The following TMEM260 variants were observed in gnomAD, a reference collection of about 807,000 sequenced individuals.
TMEM260 encodes protein O-mannosyl-transferase TMEM260.
A neutral mutation model predicts 88.9 loss-of-function variants in TMEM260; 82 were observed. The observed-to-expected ratio is 0.92, with a 90% CI of 0.77 to 1.11. The LOEUF (loss-of-function observed/expected upper bound fraction) is 1.11, where lower values mean the gene tolerates loss of function less well. Ranked by LOEUF, TMEM260 falls within the 50% of genes least tolerant of loss-of-function variation. The pLI is 0.00. For synonymous variants in TMEM260, 314 were observed against 309.3 expected (o/e 1.02, Z -0.16); for missense variants, 902 against 853.4 (o/e 1.06, Z -0.71).
At chr14:56,607,223 A>G (rs889829302) in intron 5 of TMEM260, among the ~76,000 whole-genome samples, 3 of 152,148 alleles carry the variant, frequency 2.0e-5, no homozygotes, top group African/African-American at 4.8e-5. Context: ...TCCCTCTCGT[A>G]TTGGTCATCT....
chr14:56,623,032 A>G (rs983912976), intron 11 of TMEM260, among the ~76,000 whole-genome samples: 1 of 152,214 alleles, frequency 6.6e-6, no homozygotes, highest in Admixed American at 6.5e-5. Flanking sequence ...TAGAAAGTGA[A>G]TTAGACCTAA....
At chr14:56,595,641 G>T (rs1886157656) in intron 3 of TMEM260, among the ~76,000 whole-genome samples, 1 of 151,924 alleles carries the variant, frequency 6.6e-6, no homozygotes, top group Non-Finnish European at 1.5e-5. Flanking sequence ...ACCACGCCCA[G>T]CTAATTTTTA....
intron 15 of TMEM260, among the ~76,000 whole-genome samples, chr14:56,638,024 G>A (rs1889248586): frequency 6.7e-6 from 1 of 150,134 alleles, no homozygotes; most frequent in African/African-American, 2.5e-5. Flanking sequence ...GGAAGGGAAG[G>A]CTTCCAGAGA....
At chr14:56,632,315 C>T (rs925200560) in intron 12 of TMEM260, among the ~76,000 whole-genome samples, 1 of 152,126 alleles carries the variant, frequency 6.6e-6, no homozygotes, top group African/African-American at 2.4e-5. Flanking sequence ...AGAGAAAAAG[C>T]AATGGAGATT....
At chr14:56,623,188 G>T (rs1472215740) in intron 11 of TMEM260, among the ~76,000 whole-genome samples, 3 of 152,164 alleles carry the variant, frequency 2.0e-5, no homozygotes, top group African/African-American at 7.2e-5. Flanking sequence ...CAGAATACCT[G>T]ACTTAAATGA....
rs959571133 is a variant in TMEM260, at chr14:56,608,975, G to T, written c.637-131G>T. ...AGAAGGTTTAACATAGTATTCTGTG[G>T]TGACTTAATATAAATTGGGAGATCA... is the stretch of plus-strand genomic sequence containing the variant. On this transcript the variant is annotated intron_variant, in intron 5 of 15. Transcript: ENST00000261556. 5 of 954,726 alleles carry T rather than the reference G, an allele frequency of 5.2e-6. No homozygotes were observed. The Admixed American group carries it at 1.1e-4, about 21-fold the overall frequency. 59.1% of individuals were successfully genotyped at this position (954,726 alleles called of 1,614,324 possible).
downstream of TMEM260, among the ~76,000 whole-genome samples, chr14:56,653,745 A>AAAAAAAGAACAAC (rs1555343570): frequency 7.3e-6 from 1 of 137,368 alleles, no homozygotes; most frequent in Non-Finnish European, 1.6e-5. Flanking sequence ...CCAAAACAAA[A>AAAAAAAGAACAAC]AAAAAAAAAA....
At chr14:56,616,951 T>C (rs1887628755) in intron 8 of TMEM260, among the ~76,000 whole-genome samples, 1 of 152,144 alleles carries the variant, frequency 6.6e-6, no homozygotes, top group Non-Finnish European at 1.5e-5. Context: ...TTTGCATTTC[T>C]TCTGTGAATG....
chr14:56,604,797 C>T (rs930518717), intron 4 of TMEM260, among the ~76,000 whole-genome samples: 2 of 152,078 alleles, frequency 1.3e-5, no homozygotes, highest in African/African-American at 4.8e-5. Flanking sequence ...ACTCCAAATA[C>T]AAGGAAAAGT....
At chr14:56,651,610 TAAAGGTCAAGACAC>T (rs1890208041), downstream of TMEM260, among the ~76,000 whole-genome samples, 1 of 152,174 alleles carries the variant, frequency 6.6e-6, no homozygotes, top group African/African-American at 2.4e-5. Flanking sequence ...AGTTACAATA[TAAAGGTCAAGACAC>T]AAAGGCACAA....
intron 3 of TMEM260, among the ~76,000 whole-genome samples, chr14:56,600,818 G>C (rs1886529366): frequency 6.6e-6 from 1 of 152,168 alleles, no homozygotes; most frequent in Admixed American, 6.6e-5. Flanking sequence ...TGATTTCCAG[G>C]CAAGTTCATC....
At chr14:56,596,108 TAAAC>T (rs1225441077) in intron 3 of TMEM260, among the ~76,000 whole-genome samples, 1 of 152,034 alleles carries the variant, frequency 6.6e-6, no homozygotes, top group African/African-American at 2.4e-5. Context: ...ACATGGCTCT[TAAAC>T]AAAATTTACC....
intron 6 of TMEM260, among the ~76,000 whole-genome samples, chr14:56,610,543 G>C (rs1438091591): frequency 6.6e-6 from 1 of 152,128 alleles, no homozygotes; most frequent in Admixed American, 6.5e-5. Context: ...CGCCCGGCCA[G>C]TGAGGTTTTG....
At chr14:56,596,406 G>GTGTGTGTGTA (rs1290307932) in intron 3 of TMEM260, among the ~76,000 whole-genome samples, 97 of 111,318 alleles carry the variant, frequency 8.7e-4, no homozygotes, top group East Asian at 4.5e-3. Context: ...GTGTGTGTGT[G>GTGTGTGTGTA]TATATATATA....
chr14:56,610,927 T>C (rs1176264805), intron 6 of TMEM260, among the ~76,000 whole-genome samples: 1 of 151,862 alleles, frequency 6.6e-6, no homozygotes, highest in Non-Finnish European at 1.5e-5. Context: ...ATAGTTTAAC[T>C]GATTTCTAGC....
Position 56,647,816 on chromosome 14 carries a change from C to G in TMEM260, c.*319C>G, listed in dbSNP as rs3963559. 2,797 of 276,792 alleles carry G rather than the reference C, an allele frequency of 0.01. 69 individuals carry two copies. The highest frequency in any genetic ancestry group is 0.057 in the African/African-American group (2,536 of 44,112). The allele number at this position is 276,792 out of a possible 1,614,324, so 17.1% of individuals were successfully genotyped here. The stretch of plus-strand genomic sequence containing the variant: ...AAGAGAATGAACCATTTTCATATAA[C>G]TAAATATTGGTCATGAACTGTGTAA... On this transcript the variant is annotated 3_prime_UTR_variant, in exon 16 of 16. Coordinates refer to ENST00000261556, the MANE Select transcript of TMEM260 (RefSeq NM_017799.4).
intron 5 of TMEM260, 88 bp downstream of exon 5, chr14:56,605,771 A>C: frequency 1.3e-6 from 1 of 785,528 alleles, no homozygotes; most frequent in East Asian, 2.7e-5. Context: ...TCAGGCTTTA[A>C]TTTTTCTTGG....
rs763640297 is a variant in TMEM260, at chr14:56,617,313, A to G, written c.1056+16A>G. 2 of 1,522,908 alleles carry G rather than the reference A, an allele frequency of 1.3e-6. No individual in the cohort carries two copies. Among genetic ancestry groups the G allele is most frequent in the Non-Finnish European group, 1.8e-6 (2 of 1,113,042 alleles). The allele number at this position is 1,522,908 out of a possible 1,614,324, so 94.3% of individuals were successfully genotyped here. Reference sequence around the variant, plus strand: ...CATGGGTGTGGTAAGTTTTACTTAGATATATCCTTTGACCAGAAAGTTTGT... The same window carrying G: ...CATGGGTGTGGTAAGTTTTACTTAGGTATATCCTTTGACCAGAAAGTTTGT... On this transcript the variant is annotated intron_variant, in intron 9 of 15. Transcript: ENST00000261556.
chr14:56,630,595 A>G (rs1205665539), intron 12 of TMEM260, among the ~76,000 whole-genome samples: 3 of 151,840 alleles, frequency 2.0e-5, no homozygotes, highest in Non-Finnish European at 4.4e-5. Flanking sequence ...TTTTGTTTCT[A>G]GAGTATTTGC....
Sources: gnomAD v4.1 joint callset for allele counts (sites outside exome capture counted in the v4.1 genomes callset) on GRCh38, gnomAD v4.1.1 for gene constraint, MANE v1.5 for transcripts, NCBI Gene and HGNC (gene_info 2026-07-23, HGNC 2026-07-21) for gene names.